The following CCDC33 variants were observed in gnomAD, a reference collection of about 807,000 sequenced individuals.
CCDC33 encodes coiled-coil domain containing 33, also known as coiled-coil domain-containing protein 33.
In CCDC33, 94 loss-of-function variants were observed where a neutral mutation model predicts 91.9. That is an observed-to-expected ratio of 1.02 (90% CI 0.87 to 1.21). CCDC33 has a LOEUF of 1.21. CCDC33 is among the 50% of genes most tolerant of loss of function. The pLI is 0.00. For synonymous variants in CCDC33, 396 were observed against 374.5 expected, an observed-to-expected ratio of 1.06 and a Z score of -0.66; for missense variants, 940 against 935.5, an observed-to-expected ratio of 1.00 and a Z score of -0.06.
chr15:74,254,940 GT>G (rs945423326), intron 2 of CCDC33, among the ~76,000 whole-genome samples: 1 of 152,058 alleles, frequency 6.6e-6, no homozygotes, highest in Admixed American at 6.6e-5. Context: ...TAGAGACGGT[GT>G]TTTGCCATGT....
chr15:74,216,760 A>G (rs1461253722), upstream of CCDC33, among the ~76,000 whole-genome samples: 1 of 150,514 alleles, frequency 6.6e-6, no homozygotes, highest in Non-Finnish European at 1.5e-5. Flanking sequence ...AAGAATAGGC[A>G]TATGAACAGG....
rs371438267 is a variant in CCDC33, at chr15:74,286,299, T to TAC, written c.1095+4462_1095+4463dup. On this transcript the variant is annotated intron_variant, in intron 10 of 18. Coordinates refer to ENST00000398814, the MANE Select transcript of CCDC33 (RefSeq NM_025055.5). The stretch of plus-strand genomic sequence containing the variant: ...TCCATGAGCCTATGGCTACTCCACA[T>TAC]ACACACACACACAGAAACCTTTGGT... Among the ~76,000 whole-genome samples the TAC allele has an allele frequency of 1.1e-4, 17 of 151,950 alleles. No homozygotes were observed. In the East Asian group the frequency reaches 2.3e-3, roughly 21 times the overall value.
intron 16 of CCDC33, 79 bp from the exon 17 acceptor site, chr15:74,333,802 C>T: frequency 8.3e-7 from 1 of 1,209,952 alleles, no homozygotes; most frequent in South Asian, 1.3e-5. Context: ...GTTTCTTCCT[C>T]AATACCTTAT....
At chr15:74,290,888 G>GA (rs1056469833) in intron 10 of CCDC33, among the ~76,000 whole-genome samples, 14 of 152,092 alleles carry the variant, frequency 9.2e-5, no homozygotes, top group Non-Finnish European at 1.8e-4. Context: ...AAACCCAAGG[G>GA]AAAAAAATAA....
In CCDC33 at chr15:74,236,521, CT is replaced by C; in HGVS notation, c.-198del. On this transcript the variant is annotated 5_prime_UTR_variant, in exon 1 of 19. Coordinates refer to ENST00000398814, the MANE Select transcript of CCDC33 (RefSeq NM_025055.5). The stretch of plus-strand genomic sequence containing the variant: ...CTGCTCCCACCTGGCCACCCTCCCC[CT>C]CCCCCCACATCCAGGCCCCAGGGCT... 2.4e-6 allele frequency: 1 copy of C among 410,580 alleles called. No individual in the cohort carries two copies. Among genetic ancestry groups the C allele is most frequent in the Non-Finnish European group, 4.5e-6 (1 of 223,366 alleles). The allele number at this position is 410,580 out of a possible 1,614,324, so 25.4% of individuals were successfully genotyped here. A position where few individuals can be genotyped will look rare whatever the true frequency, so the allele number is the denominator to read the frequency against.
chr15:74,291,054 C>T lies in CCDC33; in HGVS notation c.1096-4700C>T, dbSNP rs564701805. On this transcript the variant is annotated intron_variant, in intron 10 of 18. Coordinates refer to ENST00000398814, the MANE Select transcript of CCDC33 (RefSeq NM_025055.5). ...GCCTCAAAATGTGCTTTGGGATTAA[C>T]CCTCTAACACCACTTCTGGCAAATG... Among the ~76,000 whole-genome samples the T allele has an allele frequency of 1.1e-4, 17 of 151,074 alleles. No individual in the cohort carries two copies. In the South Asian group the frequency reaches 3.5e-3, roughly 31 times the overall value.
At chr15:74,282,296 C>A (rs966510604) in intron 10 of CCDC33, among the ~76,000 whole-genome samples, 8 of 152,166 alleles carry the variant, frequency 5.3e-5, no homozygotes, top group African/African-American at 1.9e-4. Context: ...GAGGAATCTG[C>A]TTCCAAATTC....
chr15:74,324,589 C>T (rs1022160508), intron 11 of CCDC33, among the ~76,000 whole-genome samples: 1 of 152,002 alleles, frequency 6.6e-6, no homozygotes. Context: ...TCTCCTACCA[C>T]CCCTTGTCCT....
chr15:74,323,118 T>C (rs2060238969), intron 11 of CCDC33, among the ~76,000 whole-genome samples: 1 of 152,044 alleles, frequency 6.6e-6, no homozygotes, highest in East Asian at 1.9e-4. Flanking sequence ...CTTGACCCTG[T>C]TTTCCTAGCT....
chr15:74,272,820 C>G lies in CCDC33; in HGVS notation c.688C>G (p.Pro230Ala), dbSNP rs1375317420. The G allele has an allele frequency of 6.2e-7, 1 of 1,614,252 alleles. No homozygotes were observed. Among genetic ancestry groups the G allele is most frequent in the Admixed American group, 1.7e-5 (1 of 60,036 alleles). ...GGCCTCTGTGGGGCTGCCCATCACC[C>G]CACTGTCCTTCCCTATCCCGTCCAT... ...DLASVGLPIT[P>A]LSFPIPSMMN... The change falls in exon 7 of 19, where the codon CCA becomes GCA. Residue 230 changes from proline (P) to alanine (A), a missense_variant. Coordinates refer to ENST00000398814, the MANE Select transcript of CCDC33 (RefSeq NM_025055.5).
chr15:74,335,111 C>T, intron 18 of CCDC33, 23 bp downstream of exon 18: 7 of 1,544,864 alleles, frequency 4.5e-6, no homozygotes, highest in Non-Finnish European at 6.3e-6. Context: ...CCTGGAGTAG[C>T]TCCCAGGGGT....
intron 11 of CCDC33, among the ~76,000 whole-genome samples, chr15:74,328,070 G>C (rs2142860650): frequency 6.6e-6 from 1 of 152,308 alleles, no homozygotes; most frequent in Non-Finnish European, 1.5e-5. Context: ...TGCTGTAATT[G>C]TCCAGGGCAG....
chr15:74,203,561 A>G (rs1712916359), intron 1 of CCDC33, among the ~76,000 whole-genome samples: 1 of 152,174 alleles, frequency 6.6e-6, no homozygotes, highest in African/African-American at 2.4e-5. Flanking sequence ...TTCGGCTTGG[A>G]CCCTGTCAGC....
chr15:74,315,013 C>A (rs1231255749), intron 11 of CCDC33, among the ~76,000 whole-genome samples: 1 of 152,168 alleles, frequency 6.6e-6, no homozygotes, highest in East Asian at 1.9e-4. Flanking sequence ...GTGTCTGATG[C>A]GGTGGTTTTA....
chr15:74,318,240 G>C (rs2060132969), intron 11 of CCDC33, among the ~76,000 whole-genome samples: 1 of 152,102 alleles, frequency 6.6e-6, no homozygotes, highest in East Asian at 1.9e-4. Context: ...AGAGAAAGTG[G>C]AGAAGAGCGG....
intron 2 of CCDC33, among the ~76,000 whole-genome samples, chr15:74,261,172 T>C (rs983216556): frequency 6.6e-6 from 1 of 152,150 alleles, no homozygotes; most frequent in Non-Finnish European, 1.5e-5. Flanking sequence ...AGTTGACCCC[T>C]GGAACTTGGA....
At chr15:74,289,468 C>T (rs1444742978) in intron 10 of CCDC33, among the ~76,000 whole-genome samples, 1 of 152,232 alleles carries the variant, frequency 6.6e-6, no homozygotes, top group East Asian at 1.9e-4. Context: ...AATCCCAACA[C>T]TTTGGGAGGC....
intron 2 of CCDC33, among the ~76,000 whole-genome samples, chr15:74,249,979 G>A (rs538600028): frequency 1.3e-5 from 2 of 152,234 alleles, no homozygotes; most frequent in African/African-American, 4.8e-5. Context: ...ATGTTAGCCT[G>A]TCTCAGGTTT....
At chr15:74,270,390 TAA>T (rs1160185041) in intron 5 of CCDC33, among the ~76,000 whole-genome samples, 2 of 150,818 alleles carry the variant, frequency 1.3e-5, no homozygotes, top group Non-Finnish European at 3.0e-5. Context: ...GTGGCAGGAG[TAA>T]AAGAGTCTGG....
Sources: allele counts gnomAD v4.1 joint callset (sites outside exome capture counted in the v4.1 genomes callset), GRCh38; gene constraint gnomAD v4.1.1; transcripts MANE v1.5; gene names NCBI Gene and HGNC (gene_info 2026-07-23, HGNC 2026-07-21).